Variants in PTPRM observed in about 807,000 individuals in gnomAD.
The protein encoded by PTPRM is receptor-type tyrosine-protein phosphatase mu.
Under a neutral mutation model 186.7 loss-of-function variants are expected in PTPRM, and 47 were observed. That is an observed-to-expected ratio of 0.25 (90% CI 0.20 to 0.32). The LOEUF is 0.32. Ranked by LOEUF, PTPRM falls within the 10% of genes least tolerant of loss-of-function variation. The pLI, the probability that PTPRM is intolerant of heterozygous loss-of-function variation, is 1.00. For missense variants in PTPRM, 1,494 were observed against 1,865.0 expected, an observed-to-expected ratio of 0.80 and a Z score of 3.66; for synonymous variants, 668 against 674.9, an observed-to-expected ratio of 0.99 and a Z score of 0.16.
intron 1 of PTPRM, among the ~76,000 whole-genome samples, chr18:7,727,518 T>A (rs1246190018): frequency 6.6e-6 from 1 of 152,230 alleles, no homozygotes; most frequent in East Asian, 1.9e-4. Context: ...TTCACAGCTG[T>A]ATTTAGTAAA....
intron 7 of PTPRM, among the ~76,000 whole-genome samples, chr18:8,056,410 C>T (rs566312850): frequency 2.6e-5 from 4 of 152,176 alleles, no homozygotes; most frequent in South Asian, 2.1e-4. Context: ...AGGTGGATCA[C>T]GAGGCCAGGA....
intron 7 of PTPRM, among the ~76,000 whole-genome samples, chr18:7,965,114 C>T (rs140652024): frequency 8.1e-5 from 12 of 147,302 alleles, no homozygotes; most frequent in South Asian, 4.3e-4. Flanking sequence ...GGCATGATCT[C>T]GGCTCACTGC....
At chr18:7,640,344 T>A (rs932783416) in intron 1 of PTPRM, among the ~76,000 whole-genome samples, 1 of 152,182 alleles carries the variant, frequency 6.6e-6, no homozygotes, top group Non-Finnish European at 1.5e-5. Flanking sequence ...AATAATTATA[T>A]GAAAGGAGCT....
chr18:7,886,483 C>T (rs1029551874), intron 2 of PTPRM, among the ~76,000 whole-genome samples: 3 of 152,170 alleles, frequency 2.0e-5, no homozygotes, highest in African/African-American at 7.2e-5. Flanking sequence ...TTTCTAGGTA[C>T]ATAACATTCA....
chr18:7,776,540 A>T (rs1357397798), intron 2 of PTPRM, among the ~76,000 whole-genome samples: 1 of 151,954 alleles, frequency 6.6e-6, no homozygotes, highest in Non-Finnish European at 1.5e-5. Context: ...CATTAAACAA[A>T]CTTTAGTCAT....
chr18:7,702,494 A>T (rs1008061748), intron 1 of PTPRM, among the ~76,000 whole-genome samples: 4 of 152,170 alleles, frequency 2.6e-5, no homozygotes, highest in African/African-American at 9.7e-5. Context: ...TCTTCTTTTG[A>T]TAAGTGTCTG....
intron 2 of PTPRM, chr18:7,814,194 G>GTT (rs2145520156): frequency 6.6e-6 from 1 of 152,446 alleles, no homozygotes; most frequent in East Asian, 1.9e-4. Context: ...TGAGAGGGGT[G>GTT]TTTGCCTGTG....
chr18:8,238,407 C>T (rs1170727570), intron 14 of PTPRM, among the ~76,000 whole-genome samples: 2 of 151,904 alleles, frequency 1.3e-5, no homozygotes, highest in African/African-American at 2.4e-5. Flanking sequence ...CTATCACAGG[C>T]GTTTTCATTC....
intron 7 of PTPRM, among the ~76,000 whole-genome samples, chr18:8,026,855 C>G (rs1375517559): frequency 6.7e-6 from 1 of 150,238 alleles, no homozygotes; most frequent in Non-Finnish European, 1.5e-5. Flanking sequence ...GAAACTCCAT[C>G]TCAAAAAAAA....
chr18:8,365,992 A>AG (rs1327317371), intron 23 of PTPRM, among the ~76,000 whole-genome samples: 2 of 152,070 alleles, frequency 1.3e-5, no homozygotes, highest in African/African-American at 4.8e-5. Flanking sequence ...GCCTGGGGAG[A>AG]GGGGGGCTTC....
intron 2 of PTPRM, among the ~76,000 whole-genome samples, chr18:7,797,679 C>T (rs1397540221): frequency 6.6e-6 from 1 of 151,828 alleles, no homozygotes; most frequent in Non-Finnish European, 1.5e-5. Flanking sequence ...GGGAAAGCAG[C>T]ACCCAGGAGA....
intron 4 of PTPRM, among the ~76,000 whole-genome samples, chr18:7,922,979 A>G (rs927403922): frequency 8.5e-5 from 13 of 152,142 alleles, no homozygotes; most frequent in African/African-American, 2.4e-4. Context: ...TGTGGGGGCT[A>G]TCCTGCACAT....
At chr18:8,134,321 G>A (rs489590) in intron 13 of PTPRM, among the ~76,000 whole-genome samples, 111,323 of 152,018 alleles carry the variant, frequency 0.73, 41,272 homozygotes, top group East Asian at 0.89. Flanking sequence ...TTCAGTAAAG[G>A]CTTGTCAAAT....
chr18:8,221,973 G>A (rs2094158373), intron 14 of PTPRM, among the ~76,000 whole-genome samples: 1 of 152,184 alleles, frequency 6.6e-6, no homozygotes, highest in South Asian at 2.1e-4. Flanking sequence ...TTTTCTGTAT[G>A]TACCTCACTT....
At chr18:8,183,117 T>G (rs1380685297) in intron 14 of PTPRM, among the ~76,000 whole-genome samples, 1 of 152,234 alleles carries the variant, frequency 6.6e-6, no homozygotes, top group African/African-American at 2.4e-5. Flanking sequence ...AAAACTTTCT[T>G]TGTTTTCATT....
intron 7 of PTPRM, among the ~76,000 whole-genome samples, chr18:8,027,913 C>T (rs954305876): frequency 2.6e-5 from 4 of 152,286 alleles, no homozygotes; most frequent in Non-Finnish European, 5.9e-5. Flanking sequence ...CTCTTCTCCA[C>T]GCCTCTGTCT....
rs541297448 is a variant in PTPRM, at chr18:7,859,523, T to C, written c.197-28583T>C. ...CTGGCACCTGGGGCTTCCATGAGCC[T>C]TCTGAACTTCAGTGCTCCTATTCTG... On this transcript the variant is annotated intron_variant, in intron 2 of 32. Coordinates refer to ENST00000580170, the MANE Select transcript of PTPRM (RefSeq NM_001105244.2). 7.5e-4 allele frequency among the ~76,000 whole-genome samples: 114 copies of C among 152,342 alleles called. 1 individual carries two copies. Among genetic ancestry groups the C allele is most frequent in the African/African-American group, 2.7e-3 (111 of 41,590 alleles).
intron 31 of PTPRM, among the ~76,000 whole-genome samples, chr18:8,388,507 G>A (rs941053032): frequency 7.9e-5 from 12 of 152,300 alleles, no homozygotes; most frequent in Middle Eastern, 3.4e-3. Context: ...GTCTCATCCT[G>A]CAGGAAACTG....
chr18:8,197,767 T>C (rs185223710), intron 14 of PTPRM, among the ~76,000 whole-genome samples: 33 of 152,302 alleles, frequency 2.2e-4, no homozygotes, highest in Non-Finnish European at 4.4e-4. Flanking sequence ...CAGGCAAATG[T>C]TCACACATAG....
Sources: gnomAD v4.1 joint callset for allele counts (sites outside exome capture counted in the v4.1 genomes callset) on GRCh38, gnomAD v4.1.1 for gene constraint, MANE v1.5 for transcripts, NCBI Gene and HGNC (gene_info 2026-07-23, HGNC 2026-07-21) for gene names.